DYNLT5: variants seen among roughly 807,000 people sequenced by gnomAD.
DYNLT5 encodes the protein dynein light chain Tctex-type family member 5.
In DYNLT5, 25 loss-of-function variants were observed where a neutral mutation model predicts 19.3. The ratio of observed to expected loss-of-function variants is 1.30; its 90% CI spans 0.95 to 1.81. The LOEUF is 1.81. DYNLT5 is among the 40% of genes most tolerant of loss of function. The probability of loss-of-function intolerance (pLI) is 0.00; values close to 1 mark genes in which losing one functional copy is unlikely to be tolerated. For synonymous variants in DYNLT5, 82 were observed against 68.9 expected, an observed-to-expected ratio of 1.19 and a Z score of -0.94; for missense variants, 232 against 217.9, an observed-to-expected ratio of 1.06 and a Z score of -0.41.
At chr1:66,774,515 C>T (rs1645224033) in intron 3 of DYNLT5, among the ~76,000 whole-genome samples, 3 of 152,164 alleles carry the variant, frequency 2.0e-5, no homozygotes, top group African/African-American at 7.2e-5. Context: ...TCAAGAGGCT[C>T]ACCTAACTGA....
intron 2 of DYNLT5, among the ~76,000 whole-genome samples, chr1:66,760,886 A>G (rs984984915): frequency 2.6e-5 from 4 of 152,148 alleles, no homozygotes; most frequent in African/African-American, 9.7e-5. Flanking sequence ...CTATCCACAT[A>G]CTTAAAATTG....
At chr1:66,762,310 T>A (rs1317223286) in intron 2 of DYNLT5, among the ~76,000 whole-genome samples, 1 of 152,262 alleles carries the variant, frequency 6.6e-6, no homozygotes, top group African/African-American at 2.4e-5. Context: ...GTTGGGAACA[T>A]TCAATGTCCT....
At chr1:66,761,756 C>A (rs1295037183) in intron 2 of DYNLT5, among the ~76,000 whole-genome samples, 1 of 151,864 alleles carries the variant, frequency 6.6e-6, no homozygotes, top group Non-Finnish European at 1.5e-5. Context: ...CCAGCCTGGG[C>A]AACAGAGAGA....
chr1:66,776,089 A>G, intron 3 of DYNLT5, 190 bp from the exon 4 acceptor site: 1 of 609,722 alleles, frequency 1.6e-6, no homozygotes, highest in Non-Finnish European at 2.6e-6. Flanking sequence ...AAATGTACGA[A>G]AATATTGTCT....
At chr1:66,759,404 T>C (rs904695372) in intron 2 of DYNLT5, among the ~76,000 whole-genome samples, 1 of 152,138 alleles carries the variant, frequency 6.6e-6, no homozygotes, top group African/African-American at 2.4e-5. Flanking sequence ...ACTCACACCA[T>C]AGAGCAAAAT....
chr1:66,771,795 A>G (rs957246532), intron 3 of DYNLT5, among the ~76,000 whole-genome samples: 1 of 152,218 alleles, frequency 6.6e-6, no homozygotes, highest in Admixed American at 6.5e-5. Flanking sequence ...AGATTTGAAC[A>G]AGACAGGGCC....
intron 3 of DYNLT5, among the ~76,000 whole-genome samples, chr1:66,774,133 C>T (rs1302245099): frequency 1.3e-5 from 2 of 152,138 alleles, no homozygotes; most frequent in Admixed American, 1.3e-4. Flanking sequence ...CCAGGACCCT[C>T]TTTCCAGCAC....
At chr1:66,754,344 T>C (rs886190879) in intron 1 of DYNLT5, among the ~76,000 whole-genome samples, 1 of 152,268 alleles carries the variant, frequency 6.6e-6, no homozygotes, top group Admixed American at 6.5e-5. Flanking sequence ...GGATAGCATC[T>C]TTCTGCTATA....
intron 2 of DYNLT5, among the ~76,000 whole-genome samples, chr1:66,765,448 A>G (rs1008389380): frequency 6.6e-6 from 1 of 152,168 alleles, no homozygotes; most frequent in African/African-American, 2.4e-5. Flanking sequence ...AATAATAATT[A>G]GATGCTATTG....
At chr1:66,772,559 G>A (rs1321862814) in intron 3 of DYNLT5, among the ~76,000 whole-genome samples, 2 of 152,182 alleles carry the variant, frequency 1.3e-5, no homozygotes, top group Non-Finnish European at 2.9e-5. Flanking sequence ...TGGGACTTTG[G>A]TAAATAGTTT....
intron 2 of DYNLT5, among the ~76,000 whole-genome samples, chr1:66,763,620 A>G (rs1419227450): frequency 2.0e-5 from 3 of 152,210 alleles, no homozygotes; most frequent in African/African-American, 7.2e-5. Flanking sequence ...TTCACCTTGC[A>G]CTTTTATGTT....
chr1:66,777,220 A>G, intron 4 of DYNLT5, 31 bp from the exon 5 acceptor site: 1 of 1,582,200 alleles, frequency 6.3e-7, no homozygotes, highest in Non-Finnish European at 8.7e-7. Context: ...ATGTAGCTGA[A>G]TGAAGACCCT....
intron 2 of DYNLT5, among the ~76,000 whole-genome samples, chr1:66,756,559 A>G (rs777542736): frequency 6.6e-6 from 1 of 152,232 alleles, no homozygotes; most frequent in Non-Finnish European, 1.5e-5. Flanking sequence ...TATAAATTTC[A>G]ATAATGTAAA....
rs184173674 is a variant in DYNLT5 at position 66,768,506 on chromosome 1, A to G, written c.120-1881A>G. Among the ~76,000 whole-genome samples the G allele has an allele frequency of 2.0e-4, 31 of 152,304 alleles. No individual in the cohort carries two copies. The East Asian group carries it at 5.0e-3, about 25-fold the overall frequency. On this transcript the variant is annotated intron_variant, in intron 2 of 4. Transcript: ENST00000282670. ...CTTTCTATTTGCACACCAATCTTCA[A>G]CCAGTGGGATTTTTAAGCTGCCCTT...
intron 1 of DYNLT5, among the ~76,000 whole-genome samples, chr1:66,753,279 G>A (rs1015096396): frequency 6.6e-6 from 1 of 152,282 alleles, no homozygotes; most frequent in East Asian, 1.9e-4. Context: ...TTGAAGGCAT[G>A]GATTCTCTTC....
rs556949962 is a variant in DYNLT5, at chr1:66,773,768, T to A, written c.212-2511T>A. Among the ~76,000 whole-genome samples, 4 of 152,144 alleles carry A rather than the reference T, an allele frequency of 2.6e-5. No homozygotes were observed. In the East Asian group the frequency reaches 5.8e-4, roughly 22 times the overall value. On this transcript the variant is annotated intron_variant, in intron 3 of 4. Coordinates refer to ENST00000282670, the MANE Select transcript of DYNLT5 (RefSeq NM_152665.3). ...GGACAAGTTTTGTTTGTTTTTAAAA[T>A]TTTTTTTGTCTTGATCCTTCAGGTC... is the stretch of plus-strand genomic sequence containing the variant.
At chr1:66,767,680 T>C (rs1399865187) in intron 2 of DYNLT5, among the ~76,000 whole-genome samples, 2 of 152,228 alleles carry the variant, frequency 1.3e-5, no homozygotes, top group African/African-American at 2.4e-5. Flanking sequence ...TTAAACAAAA[T>C]AGAAATTTAT....
intron 2 of DYNLT5, among the ~76,000 whole-genome samples, chr1:66,765,399 TATA>T (rs1471370520): frequency 6.6e-6 from 1 of 152,160 alleles, no homozygotes; most frequent in Non-Finnish European, 1.5e-5. Context: ...AACATCTAGG[TATA>T]ATAATAACTC....
At chr1:66,765,851 G>C (rs1214490670) in intron 2 of DYNLT5, among the ~76,000 whole-genome samples, 1 of 151,950 alleles carries the variant, frequency 6.6e-6, no homozygotes, top group African/African-American at 2.4e-5. Flanking sequence ...GGATTAGCAT[G>C]GTGCATTTCC....
Sources: gnomAD v4.1 joint callset for allele counts (sites outside exome capture counted in the v4.1 genomes callset) on GRCh38, gnomAD v4.1.1 for gene constraint, MANE v1.5 for transcripts, NCBI Gene and HGNC (gene_info 2026-07-23, HGNC 2026-07-21) for gene names.